The following NEDD4L variants were observed in gnomAD, a reference collection of about 807,000 sequenced individuals.
NEDD4L encodes NEDD4 like E3 ubiquitin protein ligase.
NEDD4L carries 54 observed loss-of-function variants against 148.9 expected under a neutral mutation model. The observed-to-expected ratio is 0.36, with a 90% confidence interval of 0.29 to 0.45. NEDD4L has a LOEUF of 0.45. Ranked by LOEUF, NEDD4L falls within the 20% of genes least tolerant of loss-of-function variation. The pLI is 1.00. For synonymous variants in NEDD4L, 433 were observed against 440.7 expected (o/e 0.98, Z 0.22); for missense variants, 856 against 1,233.8 (o/e 0.69, Z 4.59).
intron 1 of NEDD4L, among the ~76,000 whole-genome samples, chr18:58,122,993 A>C (rs371223846): frequency 2.4e-4 from 36 of 152,098 alleles, no homozygotes; most frequent in African/African-American, 8.0e-4. Context: ...TCAGCCCCCC[A>C]GAGTGCTGGG....
At chr18:58,341,907 T>C (rs1267314413) in intron 15 of NEDD4L, 110 bp downstream of exon 15, 1 of 1,227,838 alleles carries the variant, frequency 8.1e-7, no homozygotes, top group Non-Finnish European at 1.2e-6. Flanking sequence ...CTCTGATCAG[T>C]CGTTGTGTTG....
intron 22 of NEDD4L, 63 bp from the exon 23 acceptor site, chr18:58,370,334 C>A: frequency 1.0e-6 from 1 of 987,750 alleles, no homozygotes; most frequent in South Asian, 1.3e-5. Context: ...TCTTTTCTTT[C>A]ATGCTCTGAT....
chr18:58,219,569 T>C (rs2147896268), intron 2 of NEDD4L, among the ~76,000 whole-genome samples: 1 of 149,070 alleles, frequency 6.7e-6, no homozygotes, highest in East Asian at 2.1e-4. Flanking sequence ...TGGCTTCTTC[T>C]GCGGCCTCTC....
At chr18:58,207,396 G>T (rs1036930075) in intron 2 of NEDD4L, among the ~76,000 whole-genome samples, 2 of 151,856 alleles carry the variant, frequency 1.3e-5, no homozygotes, top group Non-Finnish European at 2.9e-5. Flanking sequence ...CCTACTTACA[G>T]TTCTGGAGCT....
intron 1 of NEDD4L, among the ~76,000 whole-genome samples, chr18:58,134,872 C>G (rs1172867238): frequency 1.3e-5 from 2 of 151,346 alleles, no homozygotes; most frequent in African/African-American, 4.9e-5. Flanking sequence ...AAAGGAAGAC[C>G]TTTAGTACAG....
chr18:58,120,685 C>T (rs887750364), intron 1 of NEDD4L, among the ~76,000 whole-genome samples: 1 of 152,136 alleles, frequency 6.6e-6, no homozygotes, highest in Non-Finnish European at 1.5e-5. Flanking sequence ...GAGGTTGAGG[C>T]AGGAGAATGG....
chr18:58,258,845 A>C (rs2048958694), intron 5 of NEDD4L, among the ~76,000 whole-genome samples: 1 of 152,212 alleles, frequency 6.6e-6, no homozygotes, highest in Admixed American at 6.5e-5. Context: ...TCATATGGAC[A>C]GGGGTGTTAA....
intron 1 of NEDD4L, among the ~76,000 whole-genome samples, chr18:58,053,853 G>T (rs1002174004): frequency 6.6e-6 from 1 of 152,288 alleles, no homozygotes; most frequent in African/African-American, 2.4e-5. Flanking sequence ...TTGAACATCT[G>T]TTATGAATGA....
At chr18:58,194,715 T>C (rs2040472643) in intron 2 of NEDD4L, among the ~76,000 whole-genome samples, 1 of 151,570 alleles carries the variant, frequency 6.6e-6, no homozygotes. Context: ...AAAAAAAAAA[T>C]GAGAGTAAAG....
Position 58,218,927 on chromosome 18 carries a change from T to C in NEDD4L, c.123-26500T>C, listed in dbSNP as rs112382429. ...TATTGTGAAGGCAGTGGTGGTAACA[T>C]TGTGTTGGAGCTGGTGTGAGGGTTG... On this transcript the variant is annotated intron_variant, in intron 2 of 30. Coordinates refer to ENST00000400345, the MANE Select transcript of NEDD4L (RefSeq NM_001144967.3). 5.3e-3 allele frequency among the ~76,000 whole-genome samples: 811 copies of C among 152,274 alleles called. 5 individuals are homozygous for C. The highest frequency in any genetic ancestry group is 0.017 in the African/African-American group (716 of 41,540).
chr18:58,168,562 G>A (rs1382166894), intron 2 of NEDD4L, among the ~76,000 whole-genome samples: 1 of 152,176 alleles, frequency 6.6e-6, no homozygotes, highest in Non-Finnish European at 1.5e-5. Context: ...GCAGAGGTTT[G>A]GTAGTGTCCT....
At chr18:58,358,050 A>C (rs894155757) in intron 19 of NEDD4L, among the ~76,000 whole-genome samples, 9 of 152,218 alleles carry the variant, frequency 5.9e-5, no homozygotes, top group African/African-American at 1.9e-4. Context: ...TTCTTAGACC[A>C]GAGGAGCAAA....
chr18:58,312,880 A>G (rs1245084606), intron 5 of NEDD4L, among the ~76,000 whole-genome samples: 1 of 152,222 alleles, frequency 6.6e-6, no homozygotes, highest in Non-Finnish European at 1.5e-5. Flanking sequence ...GGATTTCGCC[A>G]TATTGGCCGG....
intron 1 of NEDD4L, among the ~76,000 whole-genome samples, chr18:58,113,011 C>T (rs947476809): frequency 2.6e-4 from 39 of 152,306 alleles, no homozygotes; most frequent in African/African-American, 8.4e-4. Context: ...CAGCAAAGAA[C>T]GTGCTTTCTG....
chr18:58,332,791 C>T lies in NEDD4L; in HGVS notation c.991-1027C>T, dbSNP rs551997563. Among the ~76,000 whole-genome samples the T allele has an allele frequency of 3.9e-5, 6 of 152,234 alleles. No homozygotes were observed. In the South Asian group the frequency reaches 6.2e-4, roughly 16 times the overall value. ...AAACTGATACTATGGATGAACTTGC[C>T]GATAAGGAGACTCTGGCTTCTGTGT... On this transcript the variant is annotated intron_variant, in intron 11 of 30. Coordinates refer to ENST00000400345, the MANE Select transcript of NEDD4L (RefSeq NM_001144967.3).
chr18:58,228,095 C>G (rs984381651), intron 2 of NEDD4L, among the ~76,000 whole-genome samples: 3 of 152,184 alleles, frequency 2.0e-5, no homozygotes, highest in African/African-American at 7.2e-5. Context: ...CCCCCATGTC[C>G]CATTTGCCTA....
intron 6 of NEDD4L, 104 bp downstream of exon 6, chr18:58,316,136 A>G (rs1320039570): frequency 2.1e-6 from 2 of 937,044 alleles, no homozygotes; most frequent in African/African-American, 3.3e-5. Context: ...ACGGTGAAGA[A>G]GGCTGAAATG....
At chr18:58,331,769 A>G (rs191986128) in intron 11 of NEDD4L, among the ~76,000 whole-genome samples, 18 of 152,358 alleles carry the variant, frequency 1.2e-4, no homozygotes, top group Admixed American at 1.2e-3. Context: ...AGTCATTACT[A>G]TGACCATAAC....
intron 5 of NEDD4L, among the ~76,000 whole-genome samples, chr18:58,306,008 C>T (rs902075968): frequency 1.3e-4 from 20 of 152,066 alleles, no homozygotes; most frequent in African/African-American, 4.8e-4. Flanking sequence ...CAAAGTGGAC[C>T]ATGGTGTATG....
Sources: allele counts gnomAD v4.1 joint callset (sites outside exome capture counted in the v4.1 genomes callset), GRCh38; gene constraint gnomAD v4.1.1; transcripts MANE v1.5; gene names NCBI Gene and HGNC (gene_info 2026-07-23, HGNC 2026-07-21).